The following RBFOX1 variants were observed in gnomAD, a reference collection of about 807,000 sequenced individuals.
The protein encoded by RBFOX1 is RNA binding fox-1 homolog 1.
RBFOX1 carries 8 observed loss-of-function variants against 57.7 expected under a neutral mutation model. The observed-to-expected ratio is 0.14, with a 90% CI of 0.08 to 0.25. The LOEUF (loss-of-function observed/expected upper bound fraction) is 0.25, where lower values mean the gene tolerates loss of function less well. Ranked by LOEUF, RBFOX1 falls within the 10% of genes least tolerant of loss-of-function variation. The probability of loss-of-function intolerance (pLI) is 1.00; values close to 1 mark genes in which losing one functional copy is unlikely to be tolerated. For synonymous variants in RBFOX1, 326 were observed against 222.4 expected, an observed-to-expected ratio of 1.47 and a Z score of -4.15; for missense variants, 611 against 548.5, an observed-to-expected ratio of 1.11 and a Z score of -1.14.
chr16:7,294,774 TATGATGATGATG>T (rs35974179), intron 4 of RBFOX1, among the ~76,000 whole-genome samples: 1 of 151,274 alleles, frequency 6.6e-6, no homozygotes, highest in Admixed American at 6.6e-5. Flanking sequence ...AAATGATGAA[TATGATGATGATG>T]ATGATGATGA....
chr16:6,323,110 A>G (rs1176728268), intron 2 of RBFOX1, among the ~76,000 whole-genome samples: 1 of 152,190 alleles, frequency 6.6e-6, no homozygotes, highest in Non-Finnish European at 1.5e-5. Context: ...GGGAGGAAAG[A>G]GAGAGAGAAA....
chr16:6,684,341 A>G (rs976286347), intron 3 of RBFOX1, among the ~76,000 whole-genome samples: 2 of 152,174 alleles, frequency 1.3e-5, no homozygotes, highest in Non-Finnish European at 2.9e-5. Context: ...GTATGCTTTT[A>G]TATAGTTTTT....
intron 2 of RBFOX1, among the ~76,000 whole-genome samples, chr16:5,480,527 T>A (rs111858453): frequency 6.6e-6 from 1 of 152,178 alleles, no homozygotes; most frequent in Admixed American, 6.5e-5. Context: ...ACAATTCAAA[T>A]GGTATAGAAA....
At chr16:6,021,843 G>A (rs2095085581) in intron 1 of RBFOX1, among the ~76,000 whole-genome samples, 1 of 152,208 alleles carries the variant, frequency 6.6e-6, no homozygotes, top group African/African-American at 2.4e-5. Context: ...CAGAGGGTTT[G>A]GGGGTAAATT....
chr16:5,925,193 C>G (rs2152236654), intron 4 of RBFOX1, among the ~76,000 whole-genome samples: 1 of 152,276 alleles, frequency 6.6e-6, no homozygotes, highest in African/African-American at 2.4e-5. Context: ...AGCCCAGTCC[C>G]TACTGCCTGT....
chr16:6,284,286 A>C (rs1422805518), intron 1 of RBFOX1, among the ~76,000 whole-genome samples: 1 of 152,144 alleles, frequency 6.6e-6, no homozygotes, highest in Non-Finnish European at 1.5e-5. Context: ...TGCCGTCAGG[A>C]CAGCTCTGGG....
intron 1 of RBFOX1, among the ~76,000 whole-genome samples, chr16:6,146,876 A>G (rs143288631): frequency 3.9e-5 from 6 of 152,288 alleles, no homozygotes; most frequent in Non-Finnish European, 7.4e-5. Flanking sequence ...AACTGTTAGT[A>G]TCTGAGAGGC....
chr16:6,081,809 A>G (rs2096005769), intron 1 of RBFOX1, among the ~76,000 whole-genome samples: 1 of 152,204 alleles, frequency 6.6e-6, no homozygotes, highest in Non-Finnish European at 1.5e-5. Context: ...CATTGTTGGT[A>G]GATTCCAGCT....
chr16:6,512,119 G>GAA (rs5815317), intron 2 of RBFOX1, among the ~76,000 whole-genome samples: 1 of 139,378 alleles, frequency 7.2e-6, no homozygotes, highest in African/African-American at 2.6e-5. Flanking sequence ...CAAATAAAAT[G>GAA]AAAAAAAAAA....
chr16:6,761,060 T>G, intron 3 of RBFOX1, among the ~76,000 whole-genome samples: 1 of 152,214 alleles, frequency 6.6e-6, no homozygotes, highest in Non-Finnish European at 1.5e-5. Context: ...ATTTTTGAAT[T>G]AAATTACCTA....
chr16:7,272,803 C>G (rs1286127297), intron 4 of RBFOX1, among the ~76,000 whole-genome samples: 2 of 152,244 alleles, frequency 1.3e-5, no homozygotes, highest in Non-Finnish European at 2.9e-5. Flanking sequence ...GAACCAGTGA[C>G]TCTTGTTTTC....
At chr16:6,479,284 T>G (rs2095332339) in intron 2 of RBFOX1, among the ~76,000 whole-genome samples, 1 of 152,162 alleles carries the variant, frequency 6.6e-6, no homozygotes, top group South Asian at 2.1e-4. Context: ...ACATCTTACA[T>G]GGCGGCAGGT....
At chr16:6,639,267 GTCTA>G (rs1305449620) in intron 2 of RBFOX1, among the ~76,000 whole-genome samples, 3 of 152,160 alleles carry the variant, frequency 2.0e-5, no homozygotes, top group Admixed American at 6.5e-5. Context: ...ATGTCTTTCT[GTCTA>G]TCTGATTCCT....
chr16:7,708,971 C>A (rs1168139340), intron 14 of RBFOX1, 85 bp from the exon 15 acceptor site: 4 of 1,300,826 alleles, frequency 3.1e-6, no homozygotes, highest in South Asian at 1.2e-5. Context: ...CCCCTGCATA[C>A]TGTCTTGGTA....
rs71406379 is a variant in RBFOX1, at chr16:6,478,388, AATATATATATATATATAT to A, written c.-64+161356_-64+161373del. 8.9e-4 allele frequency among the ~76,000 whole-genome samples: 37 copies of A among 41,562 alleles called. 1 individual carries two copies. The East Asian group carries it at 0.01, about 12-fold the overall frequency. 27.3% of individuals were successfully genotyped at this position (41,562 alleles called of 152,430 possible). A position where few individuals can be genotyped will look rare whatever the true frequency, so the allele number is the denominator to read the frequency against. On this transcript the variant is annotated intron_variant, in intron 2 of 15. Transcript: ENST00000550418. Reference sequence around the variant, plus strand: ...CAGGTACCTGCCACTACACCCAGCTAATATATATATATATATATATATATATATATATATATATATATT... The same window carrying A: ...CAGGTACCTGCCACTACACCCAGCTAATATATATATATATATATATATATT...
At chr16:5,712,852 C>A (rs377247572) in intron 3 of RBFOX1, among the ~76,000 whole-genome samples, 7 of 152,300 alleles carry the variant, frequency 4.6e-5, no homozygotes, top group Admixed American at 2.6e-4. Context: ...ACCCAACTTC[C>A]ACCCCCACTC....
chr16:7,160,762 C>T (rs2078141528), intron 4 of RBFOX1, among the ~76,000 whole-genome samples: 1 of 151,554 alleles, frequency 6.6e-6, no homozygotes, highest in African/African-American at 2.4e-5. Flanking sequence ...TATTCCTCCT[C>T]CTCCTCCGCC....
chr16:6,761,853 G>A (rs2076655986), intron 3 of RBFOX1, among the ~76,000 whole-genome samples: 1 of 151,862 alleles, frequency 6.6e-6, no homozygotes, highest in Non-Finnish European at 1.5e-5. Flanking sequence ...GTCACTCAAA[G>A]CAACTACATC....
chr16:6,449,330 G>C (rs928319012), intron 2 of RBFOX1, among the ~76,000 whole-genome samples: 2 of 152,218 alleles, frequency 1.3e-5, no homozygotes, highest in Non-Finnish European at 2.9e-5. Flanking sequence ...GGGGCATCCA[G>C]ATGTTTCAAA....
Sources: gnomAD v4.1 joint callset for allele counts (sites outside exome capture counted in the v4.1 genomes callset) on GRCh38, gnomAD v4.1.1 for gene constraint, MANE v1.5 for transcripts, NCBI Gene and HGNC (gene_info 2026-07-23, HGNC 2026-07-21) for gene names.